GLP2R: variants seen among roughly 807,000 people sequenced by gnomAD.
GLP2R encodes glucagon like peptide 2 receptor, also known as glucagon-like peptide 2 receptor.
Under a neutral mutation model 68.2 loss-of-function variants are expected in GLP2R, and 59 were observed. That is an observed-to-expected ratio of 0.87 (90% CI 0.70 to 1.07). GLP2R has a LOEUF of 1.07. GLP2R is among the 50% of genes least tolerant of loss of function. The pLI is 0.00. For synonymous variants in GLP2R, 270 were observed against 265.4 expected, an observed-to-expected ratio of 1.02 and a Z score of -0.17; for missense variants, 548 against 677.4, an observed-to-expected ratio of 0.81 and a Z score of 2.12.
intron 10 of GLP2R, among the ~76,000 whole-genome samples, chr17:9,876,805 A>G (rs1478221412): frequency 1.3e-5 from 2 of 152,262 alleles, no homozygotes; most frequent in African/African-American, 4.8e-5. Context: ...AAATTCAAGG[A>G]AAATTCGTTT....
chr17:9,869,470 C>G (rs1567732790), intron 9 of GLP2R, among the ~76,000 whole-genome samples: 1 of 152,244 alleles, frequency 6.6e-6, no homozygotes, highest in Non-Finnish European at 1.5e-5. Context: ...TACCCAAACC[C>G]AGCCACCTGC....
At chr17:9,835,903 G>A (rs984515444) in intron 2 of GLP2R, among the ~76,000 whole-genome samples, 1 of 152,074 alleles carries the variant, frequency 6.6e-6, no homozygotes, top group African/African-American at 2.4e-5. Context: ...GCTGGGCATG[G>A]TGGCACATGC....
At chr17:9,826,368 T>C in intron 1 of GLP2R, 116 bp downstream of exon 1, 1 of 674,438 alleles carries the variant, frequency 1.5e-6, no homozygotes, top group Non-Finnish European at 2.4e-6. Context: ...ATTAAGAAAA[T>C]AATGAGCCGC....
At chr17:9,831,171 T>C (rs1456124060) in intron 1 of GLP2R, among the ~76,000 whole-genome samples, 1 of 152,180 alleles carries the variant, frequency 6.6e-6, no homozygotes, top group Non-Finnish European at 1.5e-5. Context: ...TAAATCTACC[T>C]GGCCCTAGAA....
chr17:9,849,095 G>A (rs751829251), intron 4 of GLP2R, among the ~76,000 whole-genome samples: 5 of 150,670 alleles, frequency 3.3e-5, no homozygotes, highest in East Asian at 3.9e-4. Context: ...TTAATAATAC[G>A]TTTAAAATTT....
intron 9 of GLP2R, among the ~76,000 whole-genome samples, chr17:9,862,462 A>T (rs2066995724): frequency 6.6e-6 from 1 of 152,180 alleles, no homozygotes; most frequent in Non-Finnish European, 1.5e-5. Context: ...CACAGGAGGG[A>T]GGAAGAGACT....
intron 1 of GLP2R, 28 bp from the exon 2 acceptor site, chr17:9,833,779 G>A (rs1162356376): frequency 2.1e-6 from 3 of 1,423,066 alleles, no homozygotes; most frequent in Non-Finnish European, 3.0e-6. Flanking sequence ...CTTGGTCACT[G>A]GGGGTGACCA....
At chr17:9,854,411 C>CT in intron 4 of GLP2R, 84 bp from the exon 5 acceptor site, 2 of 818,642 alleles carry the variant, frequency 2.4e-6, no homozygotes, top group Non-Finnish European at 2.1e-6. Flanking sequence ...TGCCTAGGCC[C>CT]TTGGTGGCCC....
intron 9 of GLP2R, among the ~76,000 whole-genome samples, chr17:9,868,857 T>C (rs1373255098): frequency 6.6e-6 from 1 of 152,266 alleles, no homozygotes; most frequent in Non-Finnish European, 1.5e-5. Flanking sequence ...TTTCTGCTGT[T>C]AAGCTTGCTT....
chr17:9,874,857 A>C (rs2067130008), intron 10 of GLP2R, among the ~76,000 whole-genome samples: 1 of 152,106 alleles, frequency 6.6e-6, no homozygotes, highest in African/African-American at 2.4e-5. Flanking sequence ...AAGGATGCTG[A>C]GGTTAGCCTG....
chr17:9,837,790 C>T (rs4296300), intron 3 of GLP2R, among the ~76,000 whole-genome samples: 30,810 of 151,978 alleles, frequency 0.2, 5,096 homozygotes, highest in African/African-American at 0.44. Flanking sequence ...CCAGCAAATA[C>T]AAGGACAACT....
chr17:9,862,801 C>T (rs2066998918), intron 9 of GLP2R, among the ~76,000 whole-genome samples: 1 of 152,188 alleles, frequency 6.6e-6, no homozygotes, highest in African/African-American at 2.4e-5. Context: ...CGCGTGCCCA[C>T]CAGGTGCTGA....
Position 9,862,052 on chromosome 17 carries a change from T to A in GLP2R, c.1018T>A (p.Trp340Arg). The A allele has an allele frequency of 6.2e-7, 1 of 1,613,850 alleles. No individual in the cohort carries two copies. Among genetic ancestry groups the A allele is most frequent in the Non-Finnish European group, 8.5e-7 (1 of 1,179,710 alleles). Residue 340 changes from tryptophan to arginine, a missense_variant, in exon 9 of 13, where the codon TGG becomes AGG. By Grantham distance (101) the Trp-to-Arg change is moderately radical. Coordinates refer to ENST00000262441, the MANE Select transcript of GLP2R (RefSeq NM_004246.3). The stretch of plus-strand genomic sequence containing the variant: ...GACAACAAATGGGAATAAGAAAATC[T>A]GGTGGATCATCCGAGGACCCATGAT... ...CWTTNGNKKI[W>R]WIIRGPMMLC...
chr17:9,869,862 T>A, intron 9 of GLP2R, among the ~76,000 whole-genome samples: 1 of 152,126 alleles, frequency 6.6e-6, no homozygotes, highest in East Asian at 1.9e-4. Flanking sequence ...TAAATCTAGC[T>A]CACCTCACAA....
At chr17:9,832,679 G>A (rs936486610) in intron 1 of GLP2R, among the ~76,000 whole-genome samples, 3 of 151,882 alleles carry the variant, frequency 2.0e-5, no homozygotes, top group Non-Finnish European at 2.9e-5. Context: ...TGCAGTGAGC[G>A]GAGATTGTCC....
intron 9 of GLP2R, among the ~76,000 whole-genome samples, chr17:9,863,545 G>A (rs535939924): frequency 7.2e-5 from 11 of 152,208 alleles, no homozygotes; most frequent in East Asian, 1.9e-4. Context: ...CAGCCCCCAC[G>A]CCTGCCATAC....
At chr17:9,871,001 G>A (rs913743050) in intron 10 of GLP2R, among the ~76,000 whole-genome samples, 166 bp downstream of exon 10, 2 of 152,112 alleles carry the variant, frequency 1.3e-5, no homozygotes, top group African/African-American at 2.4e-5. Context: ...TCAATGGTGA[G>A]GACCTTCTAT....
chr17:9,840,760 G>A (rs116720524), intron 3 of GLP2R, among the ~76,000 whole-genome samples: 4,543 of 152,248 alleles, frequency 0.03, 89 homozygotes, highest in East Asian at 0.074. Flanking sequence ...TGAAGATGTA[G>A]AAAAGGTAAA....
chr17:9,881,378 C>CTTTTTCTT (rs2067194303), intron 11 of GLP2R, among the ~76,000 whole-genome samples: 1 of 95,644 alleles, frequency 1.0e-5, no homozygotes, highest in South Asian at 3.2e-4. Flanking sequence ...GCTGTCAGGC[C>CTTTTTCTT]TTTTTTTTTT....
Sources: allele counts gnomAD v4.1 joint callset (sites outside exome capture counted in the v4.1 genomes callset), GRCh38; gene constraint gnomAD v4.1.1; transcripts MANE v1.5; gene names NCBI Gene and HGNC (gene_info 2026-07-23, HGNC 2026-07-21).